Variants in PDE4B observed in about 807,000 individuals in gnomAD.
The protein encoded by PDE4B is phosphodiesterase 4B.
In PDE4B, 20 loss-of-function variants were observed where a neutral mutation model predicts 82.2. The observed-to-expected ratio is 0.24, with a 90% CI of 0.17 to 0.35. The LOEUF (loss-of-function observed/expected upper bound fraction) is 0.35. PDE4B is among the 10% of genes least tolerant of loss of function. PDE4B has a pLI of 1.00. For synonymous variants in PDE4B, 320 were observed against 318.9 expected (o/e 1.00, Z -0.04); for missense variants, 655 against 907.2 (o/e 0.72, Z 3.57).
At chr1:66,209,511 A>T (rs747250238) in intron 3 of PDE4B, among the ~76,000 whole-genome samples, 5 of 152,226 alleles carry the variant, frequency 3.3e-5, no homozygotes, top group Non-Finnish European at 7.3e-5. Flanking sequence ...ACCAGCACGT[A>T]ATTTTTAAAC....
At chr1:66,246,490 G>A (rs1277136518) in intron 3 of PDE4B, among the ~76,000 whole-genome samples, 1 of 152,214 alleles carries the variant, frequency 6.6e-6, no homozygotes, top group Non-Finnish European at 1.5e-5. Flanking sequence ...CTGGGGAGCA[G>A]TGAGAGTTCT....
At chr1:65,946,103 C>T (rs1404502864) in intron 3 of PDE4B, among the ~76,000 whole-genome samples, 1 of 151,988 alleles carries the variant, frequency 6.6e-6, no homozygotes. Context: ...CTTTTTCTCC[C>T]TCATCAACAG....
chr1:66,165,461 C>T (rs1646710535), intron 3 of PDE4B, among the ~76,000 whole-genome samples: 2 of 151,570 alleles, frequency 1.3e-5, no homozygotes, highest in Non-Finnish European at 2.9e-5. Context: ...CTTAATTGTG[C>T]AGATAATATA....
At chr1:66,070,299 A>G (rs1378701351) in intron 3 of PDE4B, among the ~76,000 whole-genome samples, 3 of 151,938 alleles carry the variant, frequency 2.0e-5, no homozygotes, top group Non-Finnish European at 4.4e-5. Context: ...GGAATATGTG[A>G]ATATTCTTGT....
Position 66,332,528 on chromosome 1 carries a change from G to T in PDE4B, c.655G>T (p.Ala219Ser). Residue 219 changes from alanine (A) to serine (S), a missense_variant, in exon 8 of 17, where the codon GCA (alanine) becomes TCA (serine). Around this residue, in one of 3 missense-constraint regions of PDE4B, gnomAD observed 253 missense variants for 275.6 expected, o/e 0.92. Coordinates refer to ENST00000341517, the MANE Select transcript of PDE4B (RefSeq NM_002600.4). ...TGCAGAAGAATCTTATCAAAAATTA[G>T]CAATGGAAACGCTGGAGGAATTAGA... ...NPQEESYQKL[A>S]METLEELDWC... The T allele has an allele frequency of 1.2e-6, 2 of 1,614,168 alleles. No individual in the cohort carries two copies. Among genetic ancestry groups the T allele is most frequent in the Non-Finnish European group, 1.7e-6 (2 of 1,180,040 alleles).
At chr1:66,331,542 CA>C (rs558209727) in intron 7 of PDE4B, among the ~76,000 whole-genome samples, 24 of 152,128 alleles carry the variant, frequency 1.6e-4, no homozygotes, top group South Asian at 1.0e-3. Context: ...AATTATCTAG[CA>C]AAAAAATGTG....
intron 3 of PDE4B, among the ~76,000 whole-genome samples, chr1:66,033,470 C>T (rs536041192): frequency 1.6e-4 from 25 of 152,260 alleles, no homozygotes; most frequent in African/African-American, 4.6e-4. Context: ...AGTTCTGAGA[C>T]GGTGGCGCTT....
At chr1:65,887,836 A>G (rs1363896795) in intron 1 of PDE4B, among the ~76,000 whole-genome samples, 2 of 151,844 alleles carry the variant, frequency 1.3e-5, no homozygotes, top group African/African-American at 4.8e-5. Flanking sequence ...TTCCTTCTAT[A>G]TCTGGATATT....
At chr1:66,228,822 G>A (rs1486168734) in intron 3 of PDE4B, among the ~76,000 whole-genome samples, 3 of 152,024 alleles carry the variant, frequency 2.0e-5, no homozygotes, top group Non-Finnish European at 4.4e-5. Context: ...GATTTTTTAT[G>A]AGTTCCCTAT....
chr1:65,921,164 T>G (rs1204481914), intron 3 of PDE4B, among the ~76,000 whole-genome samples: 1 of 151,358 alleles, frequency 6.6e-6, no homozygotes, highest in Non-Finnish European at 1.5e-5. Context: ...GAGACGGGGT[T>G]TCACCGTTTT....
At chr1:65,805,553 C>A (rs1557756180) in intron 1 of PDE4B, among the ~76,000 whole-genome samples, 1 of 151,684 alleles carries the variant, frequency 6.6e-6, no homozygotes, top group Non-Finnish European at 1.5e-5. Context: ...TTTTTTAAAC[C>A]TCTTTCCTAC....
At chr1:66,116,203 A>G in intron 3 of PDE4B, among the ~76,000 whole-genome samples, 1 of 19,022 alleles carries the variant, frequency 5.3e-5, no homozygotes, top group Admixed American at 8.5e-4. Flanking sequence ...AATTATCTCT[A>G]TTTCTGGGTT....
chr1:66,137,549 A>G (rs1436225735), intron 3 of PDE4B, among the ~76,000 whole-genome samples: 1 of 152,206 alleles, frequency 6.6e-6, no homozygotes, highest in Non-Finnish European at 1.5e-5. Flanking sequence ...GAGTGGTATT[A>G]TTATACCTAA....
intron 3 of PDE4B, among the ~76,000 whole-genome samples, chr1:65,963,810 C>A (rs533212650): frequency 6.6e-6 from 1 of 152,292 alleles, no homozygotes; most frequent in Admixed American, 6.5e-5. Context: ...AATCATCCAT[C>A]CTGTTTTAGA....
chr1:66,092,838 G>A (rs1448818745), intron 3 of PDE4B, among the ~76,000 whole-genome samples: 2 of 151,966 alleles, frequency 1.3e-5, no homozygotes, highest in Non-Finnish European at 2.9e-5. Flanking sequence ...GCCCAAAGAA[G>A]CAGAGAGACC....
chr1:66,331,312 G>A (rs565444323), intron 7 of PDE4B, among the ~76,000 whole-genome samples: 2 of 152,304 alleles, frequency 1.3e-5, no homozygotes, highest in South Asian at 2.1e-4. Context: ...AATCTTGGTA[G>A]AGTTTATAAA....
chr1:66,314,751 C>T (rs939457568), intron 7 of PDE4B, among the ~76,000 whole-genome samples: 2 of 152,216 alleles, frequency 1.3e-5, no homozygotes, highest in Non-Finnish European at 2.9e-5. Context: ...TGAAACCTAT[C>T]TTGTCTCTGC....
intron 3 of PDE4B, among the ~76,000 whole-genome samples, chr1:66,184,615 G>C (rs1647141291): frequency 6.6e-6 from 1 of 152,080 alleles, no homozygotes; most frequent in East Asian, 1.9e-4. Context: ...CTTACTCTAT[G>C]AATTTAGCCT....
intron 3 of PDE4B, among the ~76,000 whole-genome samples, chr1:65,986,392 G>A (rs959032285): frequency 1.3e-5 from 2 of 152,184 alleles, no homozygotes; most frequent in Admixed American, 6.6e-5. Context: ...TTACTGAAGA[G>A]TTTTCCTTTG....
Sources: gnomAD v4.1 joint callset for allele counts (sites outside exome capture counted in the v4.1 genomes callset) on GRCh38, gnomAD v4.1.1 for gene constraint, gnomAD v4.1.1 regional missense constraint, MANE v1.5 for transcripts, NCBI Gene and HGNC (gene_info 2026-07-23, HGNC 2026-07-21) for gene names.